Variants in UGT1A8 observed in about 807,000 individuals in gnomAD.
UGT1A8 encodes the protein UDP glucuronosyltransferase family 1 member A8, also known as UDP-glucuronosyltransferase 1A8.
Under a neutral mutation model 45.3 loss-of-function variants are expected in UGT1A8, and 39 were observed. The observed-to-expected ratio is 0.86, with a 90% CI of 0.67 to 1.12. The LOEUF is 1.12. UGT1A8 is among the 50% of genes most tolerant of loss of function. The probability of loss-of-function intolerance (pLI) is 0.00; values close to 1 mark genes in which losing one functional copy is unlikely to be tolerated. For missense variants in UGT1A8, 719 were observed against 664.9 expected (o/e 1.08, Z -0.90); for synonymous variants, 275 against 249.2 (o/e 1.10, Z -0.97).
chr2:233,693,847 G>A, intron 1 of UGT1A8: 2 of 1,614,212 alleles, frequency 1.2e-6, no homozygotes, highest in Non-Finnish European at 1.7e-6. Flanking sequence ...ACTGTAAGAA[G>A]AGGAAAGACT....
intron 1 of UGT1A8, among the ~76,000 whole-genome samples, chr2:233,728,112 T>C (rs892506440): frequency 1.3e-5 from 2 of 152,198 alleles, no homozygotes; most frequent in African/African-American, 2.4e-5. Flanking sequence ...TAATTCTCCA[T>C]CTTGAAATTT....
intron 1 of UGT1A8, among the ~76,000 whole-genome samples, chr2:233,668,722 C>T (rs1038710184): frequency 6.6e-6 from 1 of 152,174 alleles, no homozygotes; most frequent in African/African-American, 2.4e-5. Context: ...CACCTATGTA[C>T]ATTTATCACA....
intron 1 of UGT1A8, among the ~76,000 whole-genome samples, chr2:233,723,536 T>TA (rs756280025): frequency 0.019 from 2,250 of 121,430 alleles, 100 homozygotes; most frequent in African/African-American, 0.052. Context: ...TTTTTTTTTT[T>TA]AATTTATTTT....
In UGT1A8 at chr2:233,756,536, G is replaced by A. The variant is rs1381058944; in HGVS notation, c.856-10498G>A. Reference sequence around the variant, plus strand: ...AATGTGCATGTTATTCACTTTTCTTGACTGCTAAAACAACCAGGGAGATCC... The same window carrying A: ...AATGTGCATGTTATTCACTTTTCTTAACTGCTAAAACAACCAGGGAGATCC... On this transcript the variant is annotated intron_variant, in intron 1 of 4. Coordinates refer to ENST00000373450, the MANE Select transcript of UGT1A8 (RefSeq NM_019076.5). 2.0e-5 allele frequency among the ~76,000 whole-genome samples: 3 copies of A among 151,924 alleles called. No individual in the cohort carries two copies. The East Asian group carries it at 5.8e-4, about 29-fold the overall frequency.
At chr2:233,657,698 T>C (rs2073885735) in intron 1 of UGT1A8, among the ~76,000 whole-genome samples, 1 of 152,230 alleles carries the variant, frequency 6.6e-6, no homozygotes, top group African/African-American at 2.4e-5. Flanking sequence ...ATTGCAGCTA[T>C]TCTAATGGGT....
chr2:233,761,165 T>A (rs1323342436), intron 1 of UGT1A8: 1 of 1,614,204 alleles, frequency 6.2e-7, no homozygotes, highest in Non-Finnish European at 8.5e-7. Context: ...TGTATTGGAG[T>A]GGGACTTTTA....
chr2:233,714,048 G>C (rs2076362692), intron 1 of UGT1A8, among the ~76,000 whole-genome samples: 1 of 152,154 alleles, frequency 6.6e-6, no homozygotes, highest in Non-Finnish European at 1.5e-5. Flanking sequence ...GGTTTCAATG[G>C]CCACTGAGAG....
At chr2:233,672,302 AT>A (rs763306715) in intron 1 of UGT1A8, 1 of 1,613,692 alleles carries the variant, frequency 6.2e-7, no homozygotes, top group Non-Finnish European at 8.5e-7. Context: ...TTTTTTTCAA[AT>A]TGCAGGAGTT....
chr2:233,737,663 G>T (rs918279158), intron 1 of UGT1A8, among the ~76,000 whole-genome samples: 2 of 152,176 alleles, frequency 1.3e-5, no homozygotes, highest in African/African-American at 2.4e-5. Context: ...GCTGCAGATC[G>T]GAGCTGTTCC....
At chr2:233,649,503 C>G (rs1291473913) in intron 1 of UGT1A8, among the ~76,000 whole-genome samples, 2 of 152,166 alleles carry the variant, frequency 1.3e-5, no homozygotes, top group Non-Finnish European at 2.9e-5. Flanking sequence ...TATATATAAG[C>G]ATATATGTAA....
chr2:233,759,396 C>T (rs1317272404), intron 1 of UGT1A8, among the ~76,000 whole-genome samples: 1 of 152,086 alleles, frequency 6.6e-6, no homozygotes, highest in African/African-American at 2.4e-5. Context: ...TCAGAGTAAC[C>T]GTGTGACCTG....
intron 1 of UGT1A8, among the ~76,000 whole-genome samples, chr2:233,714,805 A>G (rs1160418646): frequency 6.6e-6 from 1 of 152,250 alleles, no homozygotes; most frequent in Non-Finnish European, 1.5e-5. Flanking sequence ...CTCAATATTC[A>G]TATGTAGTTA....
chr2:233,704,265 T>C (rs2075777085), intron 1 of UGT1A8, among the ~76,000 whole-genome samples: 1 of 151,460 alleles, frequency 6.6e-6, no homozygotes, highest in African/African-American at 2.4e-5. Flanking sequence ...GCTTTTTTTT[T>C]TTTTTTGCAT....
At chr2:233,665,913 G>A (rs780354113) in intron 1 of UGT1A8, among the ~76,000 whole-genome samples, 26 of 152,302 alleles carry the variant, frequency 1.7e-4, no homozygotes, top group Non-Finnish European at 3.1e-4. Context: ...CTGCATATGA[G>A]AGGTCCAGCT....
At chr2:233,672,792 A>G (rs1377886335) in intron 1 of UGT1A8, 1 of 1,612,804 alleles carries the variant, frequency 6.2e-7, no homozygotes, top group Non-Finnish European at 8.5e-7. Context: ...TGCCTATGGT[A>G]AGTTATCTCT....
chr2:233,647,645 C>T (rs1262890902), intron 1 of UGT1A8, among the ~76,000 whole-genome samples: 2 of 152,136 alleles, frequency 1.3e-5, no homozygotes, highest in Non-Finnish European at 2.9e-5. Flanking sequence ...GAAATTTGTC[C>T]ATTCCATCTA....
chr2:233,623,011 G>A (rs1295123789), intron 1 of UGT1A8, among the ~76,000 whole-genome samples: 1 of 152,064 alleles, frequency 6.6e-6, no homozygotes, highest in Non-Finnish European at 1.5e-5. Flanking sequence ...GTTTTTGTCA[G>A]GTTTGTCAAA....
chr2:233,644,109 A>G (rs912752289), intron 1 of UGT1A8, among the ~76,000 whole-genome samples: 3 of 152,172 alleles, frequency 2.0e-5, no homozygotes, highest in Non-Finnish European at 4.4e-5. Context: ...CTCTGGGCCT[A>G]GTACAGCCCT....
chr2:233,768,466 T>G (rs1161223448), intron 4 of UGT1A8, 27 bp downstream of exon 4: 2 of 1,605,760 alleles, frequency 1.2e-6, no homozygotes, highest in South Asian at 2.2e-5. Flanking sequence ...AGAAGAATAC[T>G]TTGGTCATGG....
Sources: gnomAD v4.1 joint callset for allele counts (sites outside exome capture counted in the v4.1 genomes callset) on GRCh38, gnomAD v4.1.1 for gene constraint, MANE v1.5 for transcripts, NCBI Gene and HGNC (gene_info 2026-07-23, HGNC 2026-07-21) for gene names.